MDGA2: variants seen among roughly 807,000 people sequenced by gnomAD.
MDGA2 encodes the protein MAM domain-containing glycosylphosphatidylinositol anchor protein 2.
A neutral mutation model predicts 117.8 loss-of-function variants in MDGA2; 40 were observed. The ratio of observed to expected loss-of-function variants is 0.34; its 90% CI spans 0.26 to 0.44. The LOEUF (loss-of-function observed/expected upper bound fraction) is 0.44. Among genes scored for constraint, MDGA2 ranks in the 20% least tolerant of loss-of-function variants. The pLI, the probability that MDGA2 is intolerant of heterozygous loss-of-function variation, is 1.00. For synonymous variants in MDGA2, 452 were observed against 439.0 expected (o/e 1.03, Z -0.37); for missense variants, 1,123 against 1,250.6 (o/e 0.90, Z 1.54).
At chr14:47,634,126 A>G (rs564309839) in intron 1 of MDGA2, among the ~76,000 whole-genome samples, 90 of 152,266 alleles carry the variant, frequency 5.9e-4, no homozygotes, top group African/African-American at 2.0e-3. Flanking sequence ...AATTCACCTT[A>G]AATATAAAAA....
At position 47,354,792 on chromosome 14, in the gene MDGA2, C is replaced by T. The variant is rs147661624; in HGVS notation, c.281-53242G>A. Among the ~76,000 whole-genome samples, 922 of 152,204 alleles carry T rather than the reference C, an allele frequency of 6.1e-3. 41 individuals are homozygous for T. The highest frequency in any genetic ancestry group is 0.055 in the Admixed American group (834 of 15,284). The stretch of plus-strand genomic sequence containing the variant: ...GCCCTGGGGGATTGAGAGACATATC[C>T]CTTGTGGTCACTGGTAATCTAGATC... On this transcript the variant is annotated intron_variant, in intron 1 of 16. Coordinates refer to ENST00000399232, the MANE Select transcript of MDGA2 (RefSeq NM_001113498.3).
At chr14:47,230,807 T>C (rs941654933) in intron 2 of MDGA2, among the ~76,000 whole-genome samples, 7 of 151,896 alleles carry the variant, frequency 4.6e-5, no homozygotes, top group African/African-American at 1.4e-4. Context: ...AGAAACAATA[T>C]ACATTAAAGA....
intron 15 of MDGA2, among the ~76,000 whole-genome samples, chr14:46,852,594 A>G (rs748247624): frequency 6.6e-6 from 1 of 152,020 alleles, no homozygotes; most frequent in Non-Finnish European, 1.5e-5. Flanking sequence ...AATCTACCCA[A>G]TACTTGGGAA....
intron 3 of MDGA2, among the ~76,000 whole-genome samples, chr14:47,201,416 G>T (rs947062857): frequency 6.6e-6 from 1 of 152,120 alleles, no homozygotes; most frequent in Admixed American, 6.5e-5. Context: ...AACCCAGATT[G>T]TTCTCCCTTT....
chr14:46,981,536 G>T (rs1238751753), intron 8 of MDGA2, among the ~76,000 whole-genome samples: 1 of 152,166 alleles, frequency 6.6e-6, no homozygotes, highest in African/African-American at 2.4e-5. Flanking sequence ...TTATGGCTAA[G>T]TTAAAGAAGA....
intron 1 of MDGA2, among the ~76,000 whole-genome samples, chr14:47,533,138 G>A (rs1395355210): frequency 6.6e-6 from 1 of 152,180 alleles, no homozygotes; most frequent in Non-Finnish European, 1.5e-5. Context: ...TGGTTCTATT[G>A]AGTCAGTGGT....
chr14:46,985,943 GAC>G (rs2138406795), intron 8 of MDGA2, among the ~76,000 whole-genome samples: 1 of 152,040 alleles, frequency 6.6e-6, no homozygotes, highest in East Asian at 1.9e-4. Context: ...CTAGGAAAAA[GAC>G]ACAAAACCTC....
chr14:47,228,314 CTCAT>C (rs1279351707), intron 2 of MDGA2, among the ~76,000 whole-genome samples: 2 of 152,146 alleles, frequency 1.3e-5, no homozygotes, highest in African/African-American at 4.8e-5. Flanking sequence ...CTTTGTGGAA[CTCAT>C]TATACAGTCT....
At chr14:47,071,257 T>C (rs1890269725) in intron 6 of MDGA2, among the ~76,000 whole-genome samples, 1 of 152,156 alleles carries the variant, frequency 6.6e-6, no homozygotes, top group Non-Finnish European at 1.5e-5. Flanking sequence ...TTAATCCCTT[T>C]ATAAAGCTAT....
At chr14:47,247,107 G>A (rs1887266375) in intron 2 of MDGA2, among the ~76,000 whole-genome samples, 1 of 151,740 alleles carries the variant, frequency 6.6e-6, no homozygotes, top group Non-Finnish European at 1.5e-5. Flanking sequence ...CTTAACCAGT[G>A]TCTTTTGGTC....
chr14:46,873,127 G>T lies in MDGA2; in HGVS notation c.2752+306C>A, dbSNP rs569889138. On this transcript the variant is annotated intron_variant, in intron 14 of 16. Coordinates refer to ENST00000399232, the MANE Select transcript of MDGA2 (RefSeq NM_001113498.3). ...CTGTCGAAGCATGTTTCTTCGGAAAGAAGCAGCCTAAATTATGCTGTGTCA... is the reference window on the plus strand; with the variant it reads ...CTGTCGAAGCATGTTTCTTCGGAAATAAGCAGCCTAAATTATGCTGTGTCA... Among the ~76,000 whole-genome samples, 7 of 152,022 alleles carry T rather than the reference G, an allele frequency of 4.6e-5. No homozygotes were observed. In the South Asian group the frequency reaches 1.5e-3, roughly 32 times the overall value.
intron 12 of MDGA2, among the ~76,000 whole-genome samples, chr14:46,875,788 A>G (rs1280312027): frequency 6.6e-6 from 1 of 151,658 alleles, no homozygotes; most frequent in African/African-American, 2.4e-5. Flanking sequence ...TATATATTAC[A>G]TATGCACAAA....
chr14:46,929,557 T>C (rs1380874300), intron 9 of MDGA2, among the ~76,000 whole-genome samples: 1 of 136,742 alleles, frequency 7.3e-6, no homozygotes, highest in African/African-American at 2.7e-5. Flanking sequence ...GTAGGGCAAA[T>C]GTATATATAT....
chr14:47,441,981 T>C (rs1382671096), intron 1 of MDGA2, among the ~76,000 whole-genome samples: 1 of 152,050 alleles, frequency 6.6e-6, no homozygotes, highest in Non-Finnish European at 1.5e-5. Flanking sequence ...AGTATATTGA[T>C]TTAAGGTTCT....
Position 46,884,856 on chromosome 14 carries a change from G to T in MDGA2, c.2239-2635C>A, listed in dbSNP as rs8008361. On this transcript the variant is annotated intron_variant, in intron 10 of 16. Coordinates refer to ENST00000399232, the MANE Select transcript of MDGA2 (RefSeq NM_001113498.3). The surrounding 1 kb of genome is among the most constrained non-coding windows in gnomAD (Gnocchi z 4.1). The stretch of plus-strand genomic sequence containing the variant: ...CAGGTAATACATTACTTTCTTTTTT[G>T]TTTTTTTTCTGAGACAGTCTCGCTC... 0.27 allele frequency among the ~76,000 whole-genome samples: 32,801 copies of T among 122,322 alleles called. 4,648 individuals carry two copies. Among genetic ancestry groups the T allele is most frequent in the South Asian group, 0.45 (1,752 of 3,936 alleles). The allele number at this position is 122,322 out of a possible 152,430, so 80.2% of individuals were successfully genotyped here.
Position 47,289,860 on chromosome 14 carries a change from A to T in MDGA2, c.420+11551T>A, listed in dbSNP as rs566216340. 4.6e-5 allele frequency among the ~76,000 whole-genome samples: 7 copies of T among 152,254 alleles called. No individual in the cohort carries two copies. The South Asian group carries it at 1.2e-3, about 27-fold the overall frequency. On this transcript the variant is annotated intron_variant, in intron 2 of 16. Coordinates refer to ENST00000399232, the MANE Select transcript of MDGA2 (RefSeq NM_001113498.3). Reference sequence around the variant, plus strand: ...GAGAGACATCTAATTTCAAATTTTCAACTAAGTTGTATATCTAATTATTTT... The same window carrying T: ...GAGAGACATCTAATTTCAAATTTTCTACTAAGTTGTATATCTAATTATTTT...
At chr14:47,490,425 GA>G (rs775678186) in intron 1 of MDGA2, among the ~76,000 whole-genome samples, 4 of 152,020 alleles carry the variant, frequency 2.6e-5, no homozygotes, top group Non-Finnish European at 5.9e-5. Flanking sequence ...TACATTTCAA[GA>G]AAATAAGCCG....
intron 1 of MDGA2, among the ~76,000 whole-genome samples, chr14:47,627,316 T>C (rs1046335429): frequency 6.6e-6 from 1 of 151,930 alleles, no homozygotes; most frequent in African/African-American, 2.4e-5. Context: ...ATCGGCACTC[T>C]GCATCTAGCT....
chr14:47,674,270 G>C (rs909867094), intron 1 of MDGA2, among the ~76,000 whole-genome samples: 6 of 152,200 alleles, frequency 3.9e-5, no homozygotes, highest in African/African-American at 1.4e-4. Flanking sequence ...AAAGCCGCTC[G>C]TTCGCACGAG....
Sources: gnomAD v4.1 joint callset for allele counts (sites outside exome capture counted in the v4.1 genomes callset) on GRCh38, gnomAD v4.1.1 for gene constraint, Gnocchi (gnomAD v3.1) non-coding constraint, MANE v1.5 for transcripts, NCBI Gene and HGNC (gene_info 2026-07-23, HGNC 2026-07-21) for gene names.